Variants in PPHLN1 observed in about 807,000 individuals in gnomAD.
PPHLN1 encodes the protein periphilin 1, also known as periphilin-1.
PPHLN1 carries 29 observed loss-of-function variants against 51.3 expected under a neutral mutation model. The ratio of observed to expected loss-of-function variants is 0.57; its 90% CI spans 0.42 to 0.77. The LOEUF (loss-of-function observed/expected upper bound fraction) is 0.77. Among genes scored for constraint, PPHLN1 ranks in the 30% least tolerant of loss-of-function variants. PPHLN1 has a pLI of 0.00. For synonymous variants in PPHLN1, 147 were observed against 147.8 expected, an observed-to-expected ratio of 0.99 and a Z score of 0.04; for missense variants, 436 against 438.4, an observed-to-expected ratio of 0.99 and a Z score of 0.05.
chr12:42,415,968 G>C (rs1304898362), intron 9 of PPHLN1, among the ~76,000 whole-genome samples: 1 of 152,144 alleles, frequency 6.6e-6, no homozygotes, highest in Non-Finnish European at 1.5e-5. Context: ...ACCAAAGAAG[G>C]CCTTTCTGTG....
At chr12:42,439,951 T>C (rs1286218128) in intron 9 of PPHLN1, among the ~76,000 whole-genome samples, 1 of 152,068 alleles carries the variant, frequency 6.6e-6, no homozygotes, top group African/African-American at 2.4e-5. Flanking sequence ...ATTCACAAAA[T>C]TAATTACTGG....
At chr12:42,446,510 C>T, downstream of PPHLN1, 3 of 1,529,642 alleles carry the variant, frequency 2.0e-6, no homozygotes, top group Non-Finnish European at 2.7e-6. Context: ...GAAAGACCCC[C>T]ACTCCTGGGG....
At chr12:42,351,268 A>T (rs1359715010) in intron 2 of PPHLN1, 3 of 152,124 alleles carry the variant, frequency 2.0e-5, no homozygotes, top group African/African-American at 7.2e-5. Flanking sequence ...CCAATTCCCC[A>T]AGTCTCACAA....
intron 9 of PPHLN1, among the ~76,000 whole-genome samples, chr12:42,423,830 C>T (rs2081205487): frequency 6.6e-6 from 1 of 152,082 alleles, no homozygotes; most frequent in Non-Finnish European, 1.5e-5. Context: ...GCATGAGCCA[C>T]CACACCCAGC....
intron 5 of PPHLN1, among the ~76,000 whole-genome samples, chr12:42,380,531 TGTCAATCTAATAGAAAAAGACATAC>T (rs2138908582): frequency 6.6e-6 from 1 of 152,258 alleles, no homozygotes; most frequent in South Asian, 2.1e-4. Context: ...CATTTTTGAA[TGTCAATCTAATAGAAAAAGACATAC>T]GTCTTAAGAG....
intron 1 of PPHLN1, chr12:42,332,608 G>T (rs2069927496): frequency 8.3e-7 from 1 of 1,198,580 alleles, no homozygotes; most frequent in Non-Finnish European, 1.2e-6. Context: ...TCTCTATATT[G>T]GTTGGTTTAT....
intron 9 of PPHLN1, among the ~76,000 whole-genome samples, chr12:42,406,145 G>A (rs1054763808): frequency 2.0e-5 from 3 of 149,308 alleles, no homozygotes; most frequent in Non-Finnish European, 4.4e-5. Flanking sequence ...GTGCAGTGGT[G>A]CGTTCTTGGC....
intron 7 of PPHLN1, among the ~76,000 whole-genome samples, chr12:42,390,946 G>A (rs550224480): frequency 4.6e-5 from 7 of 151,798 alleles, no homozygotes; most frequent in African/African-American, 7.3e-5. Context: ...GATTACAGGC[G>A]TGAGCCACTG....
chr12:42,446,987 G>A (rs763316345), downstream of PPHLN1: 6 of 204,760 alleles, frequency 2.9e-5, no homozygotes, highest in Non-Finnish European at 5.9e-5. Flanking sequence ...CAGGCCTTTG[G>A]TATTCTGTCT....
intron 2 of PPHLN1, among the ~76,000 whole-genome samples, chr12:42,351,048 A>G: frequency 6.6e-6 from 1 of 151,934 alleles, no homozygotes; most frequent in East Asian, 1.9e-4. Flanking sequence ...TTTTTTCCAG[A>G]TTAGTTAATT....
At chr12:42,359,435 A>G (rs1413717174) in intron 4 of PPHLN1, 2 of 152,264 alleles carry the variant, frequency 1.3e-5, no homozygotes, top group Non-Finnish European at 1.5e-5. Context: ...TTTACAAAGA[A>G]AAAGCAGGGA....
At chr12:42,331,521 G>A (rs2069733988) in intron 1 of PPHLN1, among the ~76,000 whole-genome samples, 1 of 152,182 alleles carries the variant, frequency 6.6e-6, no homozygotes, top group African/African-American at 2.4e-5. Context: ...ACAGTGGTTG[G>A]ATAGCCCAGT....
chr12:42,431,933 G>A, intron 9 of PPHLN1: 1 of 1,529,854 alleles, frequency 6.5e-7, no homozygotes. Context: ...GACCTCGTAT[G>A]ACGATTAGTA....
downstream of PPHLN1, chr12:42,442,615 C>A: frequency 6.2e-7 from 1 of 1,613,396 alleles, no homozygotes; most frequent in Non-Finnish European, 8.5e-7. Context: ...CGTCTGAATA[C>A]TCCTTTCATC....
chr12:42,355,314 A>C (rs781695066), intron 4 of PPHLN1, 92 bp downstream of exon 4: 17 of 1,108,112 alleles, frequency 1.5e-5, no homozygotes, highest in Non-Finnish European at 2.2e-5. Flanking sequence ...ACATAGATGA[A>C]ATATTTTACT....
intron 9 of PPHLN1, among the ~76,000 whole-genome samples, chr12:42,426,125 C>T (rs1461099332): frequency 1.3e-5 from 2 of 149,482 alleles, no homozygotes; most frequent in Non-Finnish European, 3.0e-5. Flanking sequence ...TCAAATTTCA[C>T]TAGAGGAATG....
intron 5 of PPHLN1, among the ~76,000 whole-genome samples, chr12:42,381,285 G>T (rs2076735965): frequency 6.6e-6 from 1 of 152,206 alleles, no homozygotes; most frequent in Non-Finnish European, 1.5e-5. Flanking sequence ...GCATCTTAAT[G>T]ATCAAGGTTC....
intron 1 of PPHLN1, among the ~76,000 whole-genome samples, chr12:42,330,795 C>T (rs1490956597): frequency 3.3e-5 from 5 of 152,162 alleles, no homozygotes; most frequent in African/African-American, 7.2e-5. Flanking sequence ...CTGCAACCTT[C>T]GCCTCTCGGG....
At position 42,408,152 on chromosome 12, in the gene PPHLN1, T is replaced by TA. The variant is rs1253195789; in HGVS notation, c.909+9166dup. 5.3e-5 allele frequency among the ~76,000 whole-genome samples: 8 copies of TA among 151,888 alleles called. No homozygotes were observed. The East Asian group carries it at 7.7e-4, about 15-fold the overall frequency. Reference sequence around the variant, plus strand: ...TTTTGGGCGGGCTTAACTTGCTATTTAAAAAAAACATTCCTGAGCTGGATG... The same window carrying TA: ...TTTTGGGCGGGCTTAACTTGCTATTTAAAAAAAAACATTCCTGAGCTGGATG... On this transcript the variant is annotated intron_variant, in intron 9 of 9. Coordinates refer to ENST00000358314, the MANE Select transcript of PPHLN1 (RefSeq NM_201439.2).
Sources: gnomAD v4.1 joint callset for allele counts (sites outside exome capture counted in the v4.1 genomes callset) on GRCh38, gnomAD v4.1.1 for gene constraint, MANE v1.5 for transcripts, NCBI Gene and HGNC (gene_info 2026-07-23, HGNC 2026-07-21) for gene names.